PCNX2: variants seen among roughly 807,000 people sequenced by gnomAD.
PCNX2 encodes the protein pecanex-like protein 2.
In PCNX2, 168 loss-of-function variants were observed where a neutral mutation model predicts 223.8. The ratio of observed to expected loss-of-function variants is 0.75; its 90% confidence interval spans 0.66 to 0.85. The LOEUF (loss-of-function observed/expected upper bound fraction) is 0.85. Ranked by LOEUF, PCNX2 falls within the 40% of genes least tolerant of loss-of-function variation. The probability of loss-of-function intolerance (pLI) is 0.00; values close to 1 mark genes in which losing one functional copy is unlikely to be tolerated. For missense variants in PCNX2, 2,507 were observed against 2,675.5 expected (o/e 0.94, Z 1.39); for synonymous variants, 1,006 against 1,052.6 (o/e 0.96, Z 0.86).
chr1:233,228,162 T>C (rs1358824326), intron 9 of PCNX2, among the ~76,000 whole-genome samples: 1 of 152,128 alleles, frequency 6.6e-6, no homozygotes, highest in Non-Finnish European at 1.5e-5. Flanking sequence ...GAGAGCCTCC[T>C]ATTGGACATC....
chr1:233,087,553 A>G (rs1410535471), intron 23 of PCNX2, among the ~76,000 whole-genome samples: 1 of 152,072 alleles, frequency 6.6e-6, no homozygotes, highest in Non-Finnish European at 1.5e-5. Flanking sequence ...ATTTGAAACT[A>G]AAAAAAAGTT....
At chr1:233,008,651 T>C (rs751435320) in intron 28 of PCNX2, among the ~76,000 whole-genome samples, 1 of 152,118 alleles carries the variant, frequency 6.6e-6, no homozygotes, top group African/African-American at 2.4e-5. Context: ...TCCTATGGGA[T>C]CAAAGCCTGT....
In PCNX2 at chr1:233,001,497, TAAA is replaced by T. The variant is rs1670084389; in HGVS notation, c.5097+37_5097+39del. The stretch of plus-strand genomic sequence containing the variant: ...TCCATCTCATAAATAAATAAATAAA[TAAA>T]TAAATAAATAAATAAATAAATAAAA... On this transcript the variant is annotated intron_variant, in intron 29 of 33. Coordinates refer to ENST00000258229, the MANE Select transcript of PCNX2 (RefSeq NM_014801.4). The surrounding 1 kb of genome is among the most constrained non-coding windows in gnomAD (Gnocchi z 4.2). 9.0e-6 allele frequency: 10 copies of T among 1,105,720 alleles called. No individual in the cohort carries two copies. In the Admixed American group the frequency reaches 3.9e-4, roughly 43 times the overall value. The allele number at this position is 1,105,720 out of a possible 1,614,324, so 68.5% of individuals were successfully genotyped here.
rs1225942004 is a variant in PCNX2, at chr1:232,986,681, G to A, written c.5792-141C>T. 3 of 796,508 alleles carry A rather than the reference G, an allele frequency of 3.8e-6. No homozygotes were observed. The East Asian group carries it at 8.5e-5, about 23-fold the overall frequency. The allele number at this position is 796,508 out of a possible 1,614,324, so 49.3% of individuals were successfully genotyped here. A position where few individuals can be genotyped will look rare whatever the true frequency, so the allele number is the denominator to read the frequency against. On this transcript the variant is annotated intron_variant, in intron 32 of 33. Transcript: ENST00000258229. ...ACCTGCAAGGCTGGGACAAGAGCTG[G>A]AAGCCTGACCACTGCCTCACCCACT...
chr1:233,243,079 A>C (rs1302986899), intron 8 of PCNX2, among the ~76,000 whole-genome samples: 1 of 152,192 alleles, frequency 6.6e-6, no homozygotes, highest in Non-Finnish European at 1.5e-5. Context: ...AGCAGTCCAC[A>C]AGAACCGCAC....
At chr1:233,077,746 C>T (rs778782386) in intron 23 of PCNX2, among the ~76,000 whole-genome samples, 2 of 151,924 alleles carry the variant, frequency 1.3e-5, no homozygotes, top group Non-Finnish European at 2.9e-5. Flanking sequence ...ATTAAATTGC[C>T]CTTATTTTTA....
At chr1:233,180,512 T>C (rs1001609915) in intron 15 of PCNX2, among the ~76,000 whole-genome samples, 1 of 151,740 alleles carries the variant, frequency 6.6e-6, no homozygotes, top group Non-Finnish European at 1.5e-5. Context: ...AATACTTTTC[T>C]GTCAAGATTT....
chr1:233,096,427 A>G (rs1251042865), intron 21 of PCNX2, among the ~76,000 whole-genome samples: 3 of 152,208 alleles, frequency 2.0e-5, no homozygotes, highest in Non-Finnish European at 4.4e-5. Context: ...GAGACCTCAC[A>G]TACGGTGAAC....
At chr1:233,189,842 C>T (rs947411806) in intron 15 of PCNX2, among the ~76,000 whole-genome samples, 2 of 152,104 alleles carry the variant, frequency 1.3e-5, no homozygotes, top group Non-Finnish European at 2.9e-5. Context: ...ACAGAAAGCC[C>T]AGTTAATTAA....
chr1:233,306,514 A>G, the PCNX2 span, among the ~76,000 whole-genome samples: 33 of 152,320 alleles, frequency 2.2e-4, no homozygotes, highest in Non-Finnish European at 3.8e-4. Flanking sequence ...TACTTAATCA[A>G]TCTATCTGGG....
chr1:233,044,818 G>A (rs1671773045), intron 25 of PCNX2, among the ~76,000 whole-genome samples: 1 of 151,934 alleles, frequency 6.6e-6, no homozygotes, highest in African/African-American at 2.4e-5. Flanking sequence ...ACAGGTGCAT[G>A]CCACCACGCC....
At chr1:233,277,553 A>G (rs1453608961) in intron 1 of PCNX2, among the ~76,000 whole-genome samples, 8 of 152,156 alleles carry the variant, frequency 5.3e-5, no homozygotes, top group Non-Finnish European at 7.3e-5. Context: ...ACATCGGTAA[A>G]GTAGTATTTA....
Position 233,253,130 on chromosome 1 carries a change from T to G in PCNX2, c.1835-342A>C, listed in dbSNP as rs1323378061. Among the ~76,000 whole-genome samples, 1 of 152,216 alleles carries G rather than the reference T, an allele frequency of 6.6e-6. No individual in the cohort carries two copies. The highest frequency in any genetic ancestry group is 2.4e-5 in the African/African-American group (1 of 41,464). On this transcript the variant is annotated intron_variant, in intron 5 of 33. Coordinates refer to ENST00000258229, the MANE Select transcript of PCNX2 (RefSeq NM_014801.4). This position sits in a 1 kb window ranked among gnomAD's most constrained non-coding sequence, Gnocchi z 4.2. Reference sequence around the variant, plus strand: ...AGGTTACATAGGTCTGAAAGGTTCATATCTCATAAATGAATAACTTCAGAT... The same window carrying G: ...AGGTTACATAGGTCTGAAAGGTTCAGATCTCATAAATGAATAACTTCAGAT...
chr1:233,244,605 G>GA (rs1658990568), intron 8 of PCNX2, among the ~76,000 whole-genome samples: 1 of 152,094 alleles, frequency 6.6e-6, no homozygotes, highest in Non-Finnish European at 1.5e-5. Context: ...CCAGCTACTT[G>GA]AGAGGATGAG....
At chr1:233,278,230 A>G (rs1661013770) in intron 1 of PCNX2, among the ~76,000 whole-genome samples, 1 of 152,160 alleles carries the variant, frequency 6.6e-6, no homozygotes, top group Admixed American at 6.5e-5. Context: ...CTGGCCTCCC[A>G]CACACCTATT....
At chr1:233,029,882 A>C (rs1477949963) in intron 25 of PCNX2, among the ~76,000 whole-genome samples, 1 of 151,728 alleles carries the variant, frequency 6.6e-6, no homozygotes, top group Non-Finnish European at 1.5e-5. Context: ...TTTACCTTTA[A>C]TTTTCAGAAA....
chr1:232,986,218 A>G lies in PCNX2; in HGVS notation c.6114T>C (p.Phe2038=). The change falls in exon 33 of 34, where the codon TTT becomes TTC. Residue 2038 remains phenylalanine (F), a synonymous_variant. Coordinates refer to ENST00000258229, the MANE Select transcript of PCNX2 (RefSeq NM_014801.4). ...GTCCGGAAATGACGAGCGCGCTGGA[A>G]AAGCTCCTCTTGCCGAAGAGGAAGC... ...TLSFLFGKRS[F]SSALVISGLS... is the part of the protein sequence containing the mutation. 1 of 1,559,678 alleles carries G rather than the reference A, an allele frequency of 6.4e-7. No individual in the cohort carries two copies. Among genetic ancestry groups the G allele is most frequent in the Non-Finnish European group, 8.7e-7 (1 of 1,151,460 alleles).
rs563339739 is a variant in PCNX2 at position 233,266,257 on chromosome 1, G to A, written c.154-3094C>T. Among the ~76,000 whole-genome samples the A allele has an allele frequency of 9.9e-5, 15 of 152,162 alleles. No individual in the cohort carries two copies. In the East Asian group the frequency reaches 2.5e-3, roughly 25 times the overall value. On this transcript the variant is annotated intron_variant, in intron 1 of 33. Transcript: ENST00000258229. ...GTGCAGCAGCACGTGCCTGTAATCC[G>A]AGCTTCTCAAAAGGCTGAGGCAGGA...
chr1:233,105,978 G>A (rs1674746982), intron 21 of PCNX2, among the ~76,000 whole-genome samples: 1 of 152,194 alleles, frequency 6.6e-6, no homozygotes, highest in South Asian at 2.1e-4. Flanking sequence ...GTTTCTGCAT[G>A]TGTTGGGGTC....
Sources: gnomAD v4.1 joint callset for allele counts (sites outside exome capture counted in the v4.1 genomes callset) on GRCh38, gnomAD v4.1.1 for gene constraint, Gnocchi (gnomAD v3.1) non-coding constraint, MANE v1.5 for transcripts, NCBI Gene and HGNC (gene_info 2026-07-23, HGNC 2026-07-21) for gene names.